The following RAB28 variants were observed in gnomAD, a reference collection of about 807,000 sequenced individuals.
RAB28 encodes the protein RAB28, member RAS oncogene family.
Under a neutral mutation model 31.7 loss-of-function variants are expected in RAB28, and 24 were observed. That is an observed-to-expected ratio of 0.76 (90% CI 0.55 to 1.06). The LOEUF (loss-of-function observed/expected upper bound fraction) is 1.06. Among genes scored for constraint, RAB28 ranks in the 50% least tolerant of loss-of-function variants. RAB28 has a pLI of 0.00. For synonymous variants in RAB28, 100 were observed against 90.4 expected (o/e 1.11, Z -0.60); for missense variants, 254 against 258.5 (o/e 0.98, Z 0.12).
chr4:13,405,046 A>G (rs370020138), intron 4 of RAB28, among the ~76,000 whole-genome samples: 14 of 152,054 alleles, frequency 9.2e-5, no homozygotes, highest in East Asian at 3.9e-4. Context: ...AAGATCCAAC[A>G]TATTTGTGTA....
chr4:13,369,630 A>G (rs1051138618), intron 6 of RAB28, among the ~76,000 whole-genome samples: 4 of 152,140 alleles, frequency 2.6e-5, no homozygotes, highest in African/African-American at 9.6e-5. Flanking sequence ...ACAACCATAA[A>G]GACAAATATG....
intron 4 of RAB28, among the ~76,000 whole-genome samples, chr4:13,401,137 T>G (rs1041176368): frequency 1.3e-5 from 2 of 152,250 alleles, no homozygotes; most frequent in African/African-American, 2.4e-5. Flanking sequence ...ACAATTAGTA[T>G]TATTTCTTCC....
chr4:13,433,944 A>T (rs2108933835), intron 4 of RAB28, among the ~76,000 whole-genome samples: 1 of 152,302 alleles, frequency 6.6e-6, no homozygotes, highest in East Asian at 1.9e-4. Flanking sequence ...GTATAAAGAA[A>T]ATGTGGTATA....
intron 4 of RAB28, among the ~76,000 whole-genome samples, chr4:13,423,891 T>C (rs770480280): frequency 9.9e-5 from 15 of 152,162 alleles, no homozygotes; most frequent in Non-Finnish European, 2.1e-4. Flanking sequence ...CTATCAGTTC[T>C]AAGTGCTGCA....
intron 4 of RAB28, among the ~76,000 whole-genome samples, chr4:13,382,491 T>C (rs897269649): frequency 1.3e-5 from 2 of 151,950 alleles, no homozygotes; most frequent in African/African-American, 2.4e-5. Context: ...ACTTGTAAAT[T>C]TGCAAATCTA....
Position 13,484,062 on chromosome 4 carries a change from G to A in RAB28, c.75+14C>T, listed in dbSNP as rs1379729051. On this transcript the variant is annotated intron_variant, in intron 1 of 6. Transcript: ENST00000330852. ...CCTGCAGGCCTGGGACGGCGGGCCT[G>A]CTCGAGGACTGACCTTCCCGGAGGC... 6.3e-7 allele frequency: 1 copy of A among 1,585,232 alleles called. No individual in the cohort carries two copies. The highest frequency in any genetic ancestry group is 8.6e-7 in the Non-Finnish European group (1 of 1,166,426).
At chr4:13,450,113 T>C (rs1438005527) in intron 4 of RAB28, among the ~76,000 whole-genome samples, 1 of 151,888 alleles carries the variant, frequency 6.6e-6, no homozygotes. Context: ...ATTTCAATTA[T>C]ACCCTTGCCT....
intron 3 of RAB28, among the ~76,000 whole-genome samples, chr4:13,467,066 GGA>G (rs1381209203): frequency 4.1e-4 from 62 of 151,898 alleles, no homozygotes; most frequent in African/African-American, 1.4e-3. Flanking sequence ...CAAAATCTCA[GGA>G]GATATAAAGA....
At chr4:13,454,809 G>A (rs983141330) in intron 4 of RAB28, among the ~76,000 whole-genome samples, 2 of 152,122 alleles carry the variant, frequency 1.3e-5, no homozygotes, top group Non-Finnish European at 1.5e-5. Flanking sequence ...CAGCCTGGGG[G>A]AGTACCTGCC....
intron 4 of RAB28, among the ~76,000 whole-genome samples, chr4:13,388,118 T>G (rs186678497): frequency 9.5e-4 from 144 of 152,074 alleles, no homozygotes; most frequent in Admixed American, 1.6e-3. Flanking sequence ...ACTTGGAGAG[T>G]CGGATACGCC....
intron 2 of RAB28, among the ~76,000 whole-genome samples, chr4:13,476,076 T>A (rs755542847): frequency 6.6e-6 from 1 of 151,548 alleles, no homozygotes; most frequent in Non-Finnish European, 1.5e-5. Flanking sequence ...AGGTGTTTAA[T>A]CCCATTTTTC....
rs183572891 is a variant in RAB28, at chr4:13,416,435, G to A, written c.392-34841C>T. On this transcript the variant is annotated intron_variant, in intron 4 of 6. Transcript: ENST00000330852. The stretch of plus-strand genomic sequence containing the variant: ...TGTAACACTCACCGCGAGGGTCCGC[G>A]GCTTCATTCTTGAAGTCAGTGAGAC... Among the ~76,000 whole-genome samples, 324 of 152,198 alleles carry A rather than the reference G, an allele frequency of 2.1e-3. 1 individual carries two copies. Among genetic ancestry groups the A allele is most frequent in the Non-Finnish European group, 3.2e-3 (216 of 68,014 alleles).
intron 4 of RAB28, among the ~76,000 whole-genome samples, chr4:13,415,383 G>A (rs1416792635): frequency 6.6e-6 from 1 of 152,158 alleles, no homozygotes; most frequent in African/African-American, 2.4e-5. Flanking sequence ...CCCTCAGCTT[G>A]CAGGGAGGTG....
At chr4:13,439,401 C>A (rs972048995) in intron 4 of RAB28, among the ~76,000 whole-genome samples, 8 of 152,188 alleles carry the variant, frequency 5.3e-5, no homozygotes, top group Non-Finnish European at 1.2e-4. Flanking sequence ...GTCACCCAGG[C>A]TGGAGTGCAG....
chr4:13,474,804 T>C (rs1365756278), intron 2 of RAB28, among the ~76,000 whole-genome samples: 1 of 151,616 alleles, frequency 6.6e-6, no homozygotes, highest in African/African-American at 2.4e-5. Context: ...CAATCATACA[T>C]ATGAATTCTG....
chr4:13,484,253 C>G lies in RAB28; in HGVS notation c.-103G>C. 2.3e-6 allele frequency: 2 copies of G among 887,742 alleles called. No individual in the cohort carries two copies. Among genetic ancestry groups the G allele is most frequent in the Non-Finnish European group, 1.8e-6 (1 of 550,838 alleles). The allele number at this position is 887,742 out of a possible 1,614,324, so 55.0% of individuals were successfully genotyped here. ...AGGAAGGGAGGTAGTTGCGGCAGGA[C>G]CCCCGCCCCGGTGTCTCCGCGCCGG... On this transcript the variant is annotated 5_prime_UTR_variant, in exon 1 of 7. Transcript: ENST00000330852.
chr4:13,432,208 C>T (rs995442644), intron 4 of RAB28, among the ~76,000 whole-genome samples: 4 of 152,070 alleles, frequency 2.6e-5, no homozygotes, highest in East Asian at 1.9e-4. Flanking sequence ...CTTGAATACC[C>T]GTCTTTCAAA....
intron 6 of RAB28, among the ~76,000 whole-genome samples, chr4:13,376,257 T>A (rs977543769): frequency 3.9e-5 from 6 of 152,134 alleles, no homozygotes; most frequent in African/African-American, 1.4e-4. Flanking sequence ...TGCCAAACAA[T>A]GTGGTCAGCA....
Position 13,379,475 on chromosome 4 carries a change from T to C in RAB28, c.495+2016A>G, listed in dbSNP as rs1577153263. 3.3e-5 allele frequency among the ~76,000 whole-genome samples: 5 copies of C among 152,158 alleles called. No individual in the cohort carries two copies. The South Asian group carries it at 6.2e-4, about 19-fold the overall frequency. ...AAGAGGGAAAAGGGAACTGAGAGTA[T>C]ATGCATGGCAATGATTTGGACTGGC... On this transcript the variant is annotated intron_variant, in intron 5 of 6. Coordinates refer to ENST00000330852, the MANE Select transcript of RAB28 (RefSeq NM_001017979.3).
Sources: gnomAD v4.1 joint callset for allele counts (sites outside exome capture counted in the v4.1 genomes callset) on GRCh38, gnomAD v4.1.1 for gene constraint, MANE v1.5 for transcripts, NCBI Gene and HGNC (gene_info 2026-07-23, HGNC 2026-07-21) for gene names.